Variants in SYNE2 observed in about 807,000 individuals in gnomAD.
SYNE2 encodes the protein nesprin-2.
A neutral mutation model predicts 856.3 loss-of-function variants in SYNE2; 431 were observed. That is an observed-to-expected ratio of 0.50 (90% CI 0.47 to 0.55). SYNE2 has a LOEUF of 0.55. Ranked by LOEUF, SYNE2 falls within the 20% of genes least tolerant of loss-of-function variation. The pLI, the probability that SYNE2 is intolerant of heterozygous loss-of-function variation, is 0.00. For synonymous variants in SYNE2, 2,923 were observed against 2,872.3 expected (o/e 1.02, Z -0.56); for missense variants, 8,129 against 8,023.2 (o/e 1.01, Z -0.50).
intron 1 of SYNE2, among the ~76,000 whole-genome samples, chr14:63,809,411 T>G (rs537348082): frequency 3.3e-5 from 5 of 152,330 alleles, no homozygotes; most frequent in Admixed American, 3.3e-4. Flanking sequence ...TTTATTGTTC[T>G]TTTGGTTAAA....
At chr14:64,211,454 G>C (rs991206787) in intron 103 of SYNE2, among the ~76,000 whole-genome samples, 2 of 152,162 alleles carry the variant, frequency 1.3e-5, no homozygotes, top group Non-Finnish European at 2.9e-5. Context: ...GACACATTCA[G>C]AATTCTATCA....
At position 64,212,966 on chromosome 14, in the gene SYNE2, G is replaced by A. The variant is rs2098648929; in HGVS notation, c.19017G>A (p.Arg6339=). ...LHRYCQEVFG[R]VSRFHRRLTS... is the part of the protein sequence containing the mutation. ...GCTACTGCCAGGAGGTGTTTGGAAG[G>A]GTCTCCCGGTTCCACCGGCGGCTCA... Residue 6339 remains arginine (R), a synonymous_variant, in exon 105 of 116, where the codon AGG becomes AGA. Transcript: ENST00000555002. 1 of 1,613,922 alleles carries A rather than the reference G, an allele frequency of 6.2e-7. No individual in the cohort carries two copies. The highest frequency in any genetic ancestry group is 8.5e-7 in the Non-Finnish European group (1 of 1,180,030).
At chr14:64,016,658 AT>A in intron 33 of SYNE2, 27 bp downstream of exon 33, 1 of 1,497,490 alleles carries the variant, frequency 6.7e-7, no homozygotes, top group Non-Finnish European at 9.2e-7. Context: ...TTGATTGCAA[AT>A]TTAATTTTGT....
chr14:64,143,348 A>T (rs565233143), intron 82 of SYNE2, among the ~76,000 whole-genome samples: 7 of 152,326 alleles, frequency 4.6e-5, no homozygotes, highest in African/African-American at 1.7e-4. Flanking sequence ...TAAATGACAG[A>T]GTTCCTTAAG....
chr14:63,782,475 A>AG (rs1887355964), intron 1 of SYNE2, among the ~76,000 whole-genome samples: 1 of 151,226 alleles, frequency 6.6e-6, no homozygotes, highest in African/African-American at 2.4e-5. Context: ...CTCAAAAAAA[A>AG]AAAAAAAAAA....
intron 85 of SYNE2, 47 bp downstream of exon 85, chr14:64,152,763 T>G: frequency 6.2e-7 from 1 of 1,611,086 alleles, no homozygotes; most frequent in South Asian, 1.1e-5. Context: ...ACATATTCTT[T>G]TACCTTATTT....
chr14:63,797,372 C>A (rs61985722), intron 1 of SYNE2, among the ~76,000 whole-genome samples: 2 of 151,630 alleles, frequency 1.3e-5, no homozygotes, highest in African/African-American at 2.4e-5. Flanking sequence ...GCTTGGGTGA[C>A]AGAGTGAGAC....
intron 8 of SYNE2, among the ~76,000 whole-genome samples, chr14:63,957,726 G>C (rs982579213): frequency 6.6e-6 from 1 of 152,098 alleles, no homozygotes. Flanking sequence ...AATTAGCCGG[G>C]TGTGGTGGTG....
At chr14:64,121,201 G>T (rs2097895557) in intron 68 of SYNE2, 140 bp downstream of exon 68, 1 of 1,187,138 alleles carries the variant, frequency 8.4e-7, no homozygotes, top group South Asian at 1.3e-5. Context: ...GCCAGCCTGG[G>T]CAACATAGCG....
At chr14:63,845,514 TTTC>T (rs1595168006) in intron 1 of SYNE2, among the ~76,000 whole-genome samples, 1 of 152,116 alleles carries the variant, frequency 6.6e-6, no homozygotes, top group Non-Finnish European at 1.5e-5. Context: ...AGTGTTATAC[TTTC>T]TTCTTCTTGT....
chr14:64,032,117 G>A (rs539986724), intron 45 of SYNE2, among the ~76,000 whole-genome samples: 9 of 152,302 alleles, frequency 5.9e-5, no homozygotes, highest in African/African-American at 1.9e-4. Flanking sequence ...CAGGAATAAA[G>A]AGAACATGCA....
chr14:64,126,248 TA>T, intron 71 of SYNE2, 78 bp from the exon 72 acceptor site: 1 of 1,281,564 alleles, frequency 7.8e-7, no homozygotes, highest in Non-Finnish European at 1.1e-6. Context: ...TCATAAACTA[TA>T]ATGGAAACTA....
intron 96 of SYNE2, among the ~76,000 whole-genome samples, chr14:64,179,757 G>A (rs1407373219): frequency 6.6e-6 from 1 of 151,842 alleles, no homozygotes; most frequent in Non-Finnish European, 1.5e-5. Flanking sequence ...AGTTGAAGGA[G>A]CTGCTTATTT....
chr14:64,099,412 T>C (rs780526424), intron 63 of SYNE2: 1 of 170,306 alleles, frequency 5.9e-6, no homozygotes, highest in Non-Finnish European at 1.3e-5. Context: ...CAGACACTTT[T>C]TGGGCTCATT....
At chr14:63,791,027 G>A (rs112764916) in intron 1 of SYNE2, among the ~76,000 whole-genome samples, 5,310 of 151,928 alleles carry the variant, frequency 0.035, 184 homozygotes, top group African/African-American at 0.085. Flanking sequence ...GCATTATCTG[G>A]GCTCACTGCA....
intron 99 of SYNE2, among the ~76,000 whole-genome samples, chr14:64,194,807 G>T (rs1271635835): frequency 2.6e-5 from 4 of 152,170 alleles, no homozygotes; most frequent in African/African-American, 9.7e-5. Flanking sequence ...GCCAGCACGG[G>T]CCAAAGCTCT....
intron 8 of SYNE2, among the ~76,000 whole-genome samples, chr14:63,956,086 A>G (rs535467502): frequency 6.6e-6 from 1 of 152,350 alleles, no homozygotes; most frequent in Admixed American, 6.5e-5. Flanking sequence ...TACCTGCATT[A>G]TTAACAATTT....
At chr14:64,153,071 A>G (rs2098257211) in intron 85 of SYNE2, among the ~76,000 whole-genome samples, 2 of 152,182 alleles carry the variant, frequency 1.3e-5, no homozygotes, top group Admixed American at 1.3e-4. Flanking sequence ...CAGTGTCTCC[A>G]TGTACAGGGA....
chr14:64,056,308 T>C (rs1405027938), intron 49 of SYNE2, 42 bp downstream of exon 49: 2 of 1,532,276 alleles, frequency 1.3e-6, no homozygotes, highest in East Asian at 4.7e-5. Context: ...ACATAAAATA[T>C]TGTTTCAAGA....
Sources: gnomAD v4.1 joint callset for allele counts (sites outside exome capture counted in the v4.1 genomes callset) on GRCh38, gnomAD v4.1.1 for gene constraint, MANE v1.5 for transcripts, NCBI Gene and HGNC (gene_info 2026-07-23, HGNC 2026-07-21) for gene names.